NMRK1: variants seen among roughly 807,000 people sequenced by gnomAD.
The protein encoded by NMRK1 is nicotinamide riboside kinase 1.
Under a neutral mutation model 29.9 loss-of-function variants are expected in NMRK1, and 28 were observed. That is an observed-to-expected ratio of 0.94 (90% CI 0.69 to 1.28). NMRK1 has a LOEUF of 1.28. NMRK1 is among the 50% of genes most tolerant of loss of function. The pLI is 0.00. For missense variants in NMRK1, 218 were observed against 233.1 expected (o/e 0.94, Z 0.42); for synonymous variants, 58 against 73.0 (o/e 0.79, Z 1.05).
Position 75,069,916 on chromosome 9 carries a change from C to G in NMRK1, c.296G>C (p.Gly99Ala), listed in dbSNP as rs536047048. 560 of 1,613,796 alleles carry G rather than the reference C, an allele frequency of 3.5e-4. 6 individuals carry two copies. In the South Asian group the frequency reaches 5.9e-3, roughly 17 times the overall value. The change falls in exon 5 of 9, where the codon GGT becomes GCT. Residue 99 changes from glycine to alanine, a missense_variant. Transcript: ENST00000361092. ...TTACTTATAATTAAAAAGAAGAAAACCTTCGATGATTAAAATGGGAATTTC... is the reference window on the plus strand; with the variant it reads ...TTACTTATAATTAAAAAGAAGAAAAGCTTCGATGATTAAAATGGGAATTTC... ...AEEIPILIIE[G>A]FLLFNYKPLD...
chr9:75,083,378 C>G (rs575920742), intron 1 of NMRK1, among the ~76,000 whole-genome samples: 2 of 152,296 alleles, frequency 1.3e-5, no homozygotes, highest in East Asian at 3.9e-4. Context: ...GTCAGGTGAC[C>G]TGCCGGAGCA....
intron 2 of NMRK1, among the ~76,000 whole-genome samples, chr9:75,081,372 T>C (rs34132905): frequency 0.12 from 18,782 of 152,146 alleles, 1,185 homozygotes; most frequent in South Asian, 0.17. Flanking sequence ...ATGGGAAGAT[T>C]GTTTGAGGTC....
intron 4 of NMRK1, among the ~76,000 whole-genome samples, chr9:75,072,537 G>A (rs1466428573): frequency 6.6e-6 from 1 of 152,168 alleles, no homozygotes. Flanking sequence ...AACAATATAG[G>A]TGAATAGAGT....
intron 2 of NMRK1, among the ~76,000 whole-genome samples, chr9:75,078,100 A>C (rs1007545711): frequency 3.3e-5 from 5 of 152,254 alleles, no homozygotes; most frequent in African/African-American, 1.2e-4. Flanking sequence ...AAAGGTAACT[A>C]CCAAGTAAGG....
intron 2 of NMRK1, chr9:75,078,231 T>G: frequency 6.6e-7 from 1 of 1,512,130 alleles, no homozygotes; most frequent in Non-Finnish European, 8.9e-7. Flanking sequence ...TAGCACATTT[T>G]AGTGCAAGTG....
chr9:75,069,688 C>T, intron 6 of NMRK1, 54 bp downstream of exon 6: 1 of 1,416,682 alleles, frequency 7.1e-7, no homozygotes, highest in Non-Finnish European at 9.9e-7. Flanking sequence ...CCTCATTTTT[C>T]TTCTACATTT....
chr9:75,083,013 C>G (rs2273767), intron 2 of NMRK1, 74 bp downstream of exon 2: 341,533 of 1,069,308 alleles, frequency 0.32, 58,031 homozygotes, highest in East Asian at 0.45. Flanking sequence ...CTCCGTCCCC[C>G]ACTCCATCCA....
intron 4 of NMRK1, among the ~76,000 whole-genome samples, chr9:75,072,908 A>C (rs1823778915): frequency 6.6e-6 from 1 of 152,180 alleles, no homozygotes. Context: ...TGTTCTGTAC[A>C]TGTCAGTTTT....
chr9:75,073,085 C>T (rs1731024451), intron 4 of NMRK1, among the ~76,000 whole-genome samples: 1 of 152,132 alleles, frequency 6.6e-6, no homozygotes, highest in African/African-American at 2.4e-5. Context: ...ATTACAGATA[C>T]AATCAGTTAA....
At chr9:75,069,632 T>C (rs1466762636) in intron 6 of NMRK1, 110 bp downstream of exon 6, 1 of 825,330 alleles carries the variant, frequency 1.2e-6, no homozygotes, top group African/African-American at 1.7e-5. Context: ...TAAGGCTTCC[T>C]GTCTCTGAAA....
intron 2 of NMRK1, among the ~76,000 whole-genome samples, chr9:75,080,439 G>A (rs1449655146): frequency 6.6e-6 from 1 of 152,134 alleles, no homozygotes; most frequent in African/African-American, 2.4e-5. Flanking sequence ...ATCACCTGAG[G>A]TCAGGAGTTC....
chr9:75,063,129 C>T (rs1823124394), intron 8 of NMRK1, among the ~76,000 whole-genome samples: 1 of 151,302 alleles, frequency 6.6e-6, no homozygotes, highest in Non-Finnish European at 1.5e-5. Flanking sequence ...ATGGTGAAAC[C>T]CCGTCTCTAC....
chr9:75,072,234 T>A (rs1456522440), intron 4 of NMRK1, among the ~76,000 whole-genome samples: 1 of 152,204 alleles, frequency 6.6e-6, no homozygotes, highest in African/African-American at 2.4e-5. Flanking sequence ...CATAGCCATG[T>A]CATTCCTCCC....
chr9:75,086,872 T>A (rs1271700025), intron 1 of NMRK1, among the ~76,000 whole-genome samples: 1 of 151,946 alleles, frequency 6.6e-6, no homozygotes, highest in Non-Finnish European at 1.5e-5. Flanking sequence ...TGTTTAAACT[T>A]TGCTCCCTTT....
intron 2 of NMRK1, among the ~76,000 whole-genome samples, chr9:75,079,363 T>C (rs1824187981): frequency 6.6e-6 from 1 of 152,214 alleles, no homozygotes; most frequent in East Asian, 1.9e-4. Flanking sequence ...GTCCATAGTT[T>C]AGGTATTAAG....
chr9:75,083,270 C>A, intron 1 of NMRK1, 120 bp from the exon 2 acceptor site: 1 of 644,982 alleles, frequency 1.6e-6, no homozygotes, highest in Non-Finnish European at 2.8e-6. Context: ...ACCTTTCAGC[C>A]CAGCCCCGCA....
intron 4 of NMRK1, among the ~76,000 whole-genome samples, chr9:75,073,609 T>A (rs1199044176): frequency 6.6e-6 from 1 of 151,202 alleles, no homozygotes; most frequent in African/African-American, 2.4e-5. Context: ...CGTGGTGGTG[T>A]GTGGCTGTAG....
At chr9:75,082,282 T>C (rs1241409352) in intron 2 of NMRK1, among the ~76,000 whole-genome samples, 1 of 152,198 alleles carries the variant, frequency 6.6e-6, no homozygotes, top group Non-Finnish European at 1.5e-5. Flanking sequence ...AGAGAAAAAC[T>C]GAACTTTTCT....
intron 8 of NMRK1, among the ~76,000 whole-genome samples, chr9:75,065,304 G>A (rs1335655758): frequency 6.6e-6 from 1 of 152,032 alleles, no homozygotes; most frequent in African/African-American, 2.4e-5. Context: ...CGGGTAGCTG[G>A]GACTGCAGGC....
Sources: allele counts gnomAD v4.1 joint callset (sites outside exome capture counted in the v4.1 genomes callset), GRCh38; gene constraint gnomAD v4.1.1; transcripts MANE v1.5; gene names NCBI Gene and HGNC (gene_info 2026-07-23, HGNC 2026-07-21).